Variants in CIROZ observed in about 807,000 individuals in gnomAD.
CIROZ encodes ciliated left-right organizer ZP-N domains-containing protein.
the CIROZ span, among the ~76,000 whole-genome samples, chr1:10,959,435 C>T: frequency 1.3e-5 from 2 of 152,192 alleles, no homozygotes; most frequent in Admixed American, 6.5e-5. This position sits in a 1 kb window ranked among gnomAD's most constrained non-coding sequence, Gnocchi z 4.3. Flanking sequence ...GGCACCTTCC[C>T]CAAAACCCCT....
At chr1:10,981,716 G>A in the CIROZ span, among the ~76,000 whole-genome samples, 3 of 152,152 alleles carry the variant, frequency 2.0e-5, no homozygotes, top group African/African-American at 2.4e-5. Flanking sequence ...CAAGGAAGAC[G>A]TGTTCTGTTT....
the CIROZ span, among the ~76,000 whole-genome samples, chr1:10,966,915 G>A: frequency 2.6e-5 from 4 of 151,998 alleles, no homozygotes; most frequent in Non-Finnish European, 4.4e-5. Context: ...TTGGGAGGCC[G>A]AGGTGGGAGG....
At chr1:10,974,961 CT>C in the CIROZ span, among the ~76,000 whole-genome samples, 1,225 of 152,292 alleles carry the variant, frequency 8.0e-3, 22 homozygotes, top group African/African-American at 0.027. This position sits in a 1 kb window ranked among gnomAD's most constrained non-coding sequence, Gnocchi z 4.4. Flanking sequence ...ATAGCCCCCC[CT>C]TCACTGACAT....
chr1:10,975,235 G>A, the CIROZ span, among the ~76,000 whole-genome samples: 2 of 151,852 alleles, frequency 1.3e-5, no homozygotes, highest in South Asian at 2.1e-4. Context: ...GCGAAACCCC[G>A]TCTCTACTAA....
chr1:10,982,008 T>A, the CIROZ span: 1 of 1,537,080 alleles, frequency 6.5e-7, no homozygotes, highest in Non-Finnish European at 8.7e-7. Context: ...TAAGGGACAC[T>A]TACCAGGCAA....
At chr1:10,954,411 G>A in the CIROZ span, among the ~76,000 whole-genome samples, 979 of 148,988 alleles carry the variant, frequency 6.6e-3, 15 homozygotes, top group African/African-American at 0.024. Context: ...CCGAGATCGC[G>A]CCACTGCACT....
chr1:10,959,057 G>C, the CIROZ span, among the ~76,000 whole-genome samples: 1 of 152,184 alleles, frequency 6.6e-6, no homozygotes, highest in African/African-American at 2.4e-5. This position sits in a 1 kb window ranked among gnomAD's most constrained non-coding sequence, Gnocchi z 4.3. Context: ...CCCTGCTCAC[G>C]GCCCACTTCC....
chr1:10,947,457 A>G, the CIROZ span, among the ~76,000 whole-genome samples: 3 of 152,156 alleles, frequency 2.0e-5, no homozygotes, highest in African/African-American at 7.2e-5. Context: ...AGTGACTCTC[A>G]GTGACCCAGT....
At chr1:10,977,778 G>T in the CIROZ span, among the ~76,000 whole-genome samples, 2 of 152,154 alleles carry the variant, frequency 1.3e-5, no homozygotes, top group Non-Finnish European at 2.9e-5. Flanking sequence ...GTGATGAAAG[G>T]CTGGAGTTAG....
the CIROZ span, chr1:10,948,962 C>A: frequency 1.0e-6 from 1 of 996,238 alleles, no homozygotes; most frequent in East Asian, 2.7e-5. Flanking sequence ...CGGTGGCTCA[C>A]GACTGTAATC....
At chr1:10,953,953 A>C in the CIROZ span, 1 of 1,535,392 alleles carries the variant, frequency 6.5e-7, no homozygotes, top group African/African-American at 1.4e-5. Context: ...CCCAGGGCCA[A>C]GGAAAGAGGG....
chr1:10,975,407 G>GAAAAAAAA, the CIROZ span, among the ~76,000 whole-genome samples: 2 of 78,834 alleles, frequency 2.5e-5, no homozygotes, highest in African/African-American at 3.6e-5. Flanking sequence ...CTCTGTCTCA[G>GAAAAAAAA]AAAAAAAAAA....
the CIROZ span, chr1:10,957,536 A>T: frequency 6.4e-7 from 1 of 1,559,742 alleles, no homozygotes; most frequent in Non-Finnish European, 8.7e-7. Flanking sequence ...TTGTCACTGG[A>T]GGGGTGGCAA....
chr1:10,955,848 A>G, the CIROZ span, among the ~76,000 whole-genome samples: 1 of 151,006 alleles, frequency 6.6e-6, no homozygotes, highest in East Asian at 1.9e-4. Context: ...CCATCTCAAA[A>G]AAAAAAAAAA....
chr1:10,951,745 A>AAAAAATATATATATATATATATATAT, the CIROZ span, among the ~76,000 whole-genome samples: 2 of 119,182 alleles, frequency 1.7e-5, no homozygotes, highest in African/African-American at 7.1e-5. Flanking sequence ...AAAAAAAAAA[A>AAAAAATATATATATATATATATATAT]ATATATATAT....
the CIROZ span, among the ~76,000 whole-genome samples, chr1:10,962,174 G>A: frequency 4.6e-5 from 7 of 152,146 alleles, no homozygotes; most frequent in African/African-American, 1.4e-4. Flanking sequence ...GACCGGGCGT[G>A]GTGGCTCACA....
At chr1:10,948,078 T>A in the CIROZ span, 1 of 1,613,346 alleles carries the variant, frequency 6.2e-7, no homozygotes, top group Non-Finnish European at 8.5e-7. Context: ...CCCGGTGAGT[T>A]CAGGTCCTGA....
the CIROZ span, chr1:10,948,170 C>A: frequency 1.9e-6 from 3 of 1,613,706 alleles, no homozygotes; most frequent in Non-Finnish European, 2.5e-6. Context: ...TGGAGAGTCC[C>A]GGCCCCTCTA....
chr1:10,966,469 G>A, the CIROZ span: 1 of 1,534,002 alleles, frequency 6.5e-7, no homozygotes, highest in Non-Finnish European at 8.7e-7. Flanking sequence ...GGTGGTCAGG[G>A]GACCTCCAGG....
Sources: allele counts gnomAD v4.1 joint callset (sites outside exome capture counted in the v4.1 genomes callset), GRCh38; gene constraint gnomAD v4.1.1; non-coding constraint Gnocchi (gnomAD v3.1); transcripts MANE v1.5; gene names NCBI Gene and HGNC (gene_info 2026-07-23, HGNC 2026-07-21).